The following FAM184A variants were observed in gnomAD, a reference collection of about 807,000 sequenced individuals.
FAM184A encodes protein FAM184A.
In FAM184A, 99 loss-of-function variants were observed where a neutral mutation model predicts 143.8. The observed-to-expected ratio is 0.69, with a 90% CI of 0.58 to 0.81. FAM184A has a LOEUF of 0.81. Ranked by LOEUF, FAM184A falls within the 40% of genes least tolerant of loss-of-function variation. The pLI, the probability that FAM184A is intolerant of heterozygous loss-of-function variation, is 0.00. For missense variants in FAM184A, 1,217 were observed against 1,310.5 expected (o/e 0.93, Z 1.10); for synonymous variants, 427 against 446.4 (o/e 0.96, Z 0.55).
chr6:119,126,624 A>C (rs1489206034), intron 1 of FAM184A, among the ~76,000 whole-genome samples: 3 of 152,154 alleles, frequency 2.0e-5, no homozygotes, highest in African/African-American at 7.2e-5. Context: ...CCCCAGAAGG[A>C]GTGTTAACAG....
chr6:119,017,369 G>A (rs1785295940), intron 4 of FAM184A, among the ~76,000 whole-genome samples: 1 of 152,076 alleles, frequency 6.6e-6, no homozygotes, highest in South Asian at 2.1e-4. Context: ...GCGGTGGCGG[G>A]TGCCTGTAGT....
intron 6 of FAM184A, among the ~76,000 whole-genome samples, chr6:119,009,315 G>C (rs1785021175): frequency 6.6e-6 from 1 of 152,140 alleles, no homozygotes; most frequent in East Asian, 1.9e-4. Context: ...CCCATATGTT[G>C]AGGGAGGAAC....
At chr6:119,006,266 G>T (rs770512506) in intron 7 of FAM184A, 181 bp downstream of exon 7, 7 of 746,792 alleles carry the variant, frequency 9.4e-6, no homozygotes, top group African/African-American at 1.7e-5. Flanking sequence ...AGCCTCCAGA[G>T]CTATGAGAGA....
At chr6:119,070,130 A>C (rs555995143) in intron 1 of FAM184A, among the ~76,000 whole-genome samples, 36 of 152,276 alleles carry the variant, frequency 2.4e-4, no homozygotes, top group African/African-American at 8.2e-4. Flanking sequence ...TGTACTATAG[A>C]TCCTTTGATA....
At chr6:119,109,016 G>A (rs1788862182) in intron 1 of FAM184A, among the ~76,000 whole-genome samples, 1 of 144,068 alleles carries the variant, frequency 6.9e-6, no homozygotes, top group Non-Finnish European at 1.5e-5. Flanking sequence ...ATCCTTTCTT[G>A]TCTTTTTTCC....
chr6:119,057,553 G>A (rs1445866554), intron 1 of FAM184A, among the ~76,000 whole-genome samples: 1 of 152,074 alleles, frequency 6.6e-6, no homozygotes, highest in Non-Finnish European at 1.5e-5. Context: ...AGAATGCTCA[G>A]GGTAGTGAGA....
intron 1 of FAM184A, among the ~76,000 whole-genome samples, chr6:119,070,188 T>TA (rs1196060032): frequency 6.6e-6 from 1 of 152,142 alleles, no homozygotes; most frequent in Non-Finnish European, 1.5e-5. Flanking sequence ...AGATACAGGA[T>TA]AAAAAATTCA....
chr6:119,025,108 G>A (rs1453608576), intron 1 of FAM184A, among the ~76,000 whole-genome samples: 1 of 152,124 alleles, frequency 6.6e-6, no homozygotes, highest in Non-Finnish European at 1.5e-5. Context: ...AGAGGAAATG[G>A]ACAAAGGAGG....
intron 1 of FAM184A, among the ~76,000 whole-genome samples, chr6:119,130,223 C>T (rs1789499972): frequency 1.3e-5 from 2 of 152,168 alleles, no homozygotes; most frequent in Admixed American, 1.3e-4. Context: ...CTGAAAACCA[C>T]CATTTGAGGA....
At chr6:118,960,935 TCTGA>T (rs1200620455) in intron 17 of FAM184A, 7 of 700,670 alleles carry the variant, frequency 1.0e-5, no homozygotes, top group Non-Finnish European at 1.5e-5. Context: ...CAGAGGTGTA[TCTGA>T]CTAATTTTCA....
intron 1 of FAM184A, among the ~76,000 whole-genome samples, chr6:119,084,581 A>G (rs975938275): frequency 1.3e-5 from 2 of 152,214 alleles, no homozygotes; most frequent in Non-Finnish European, 2.9e-5. Context: ...GCAAGCTGCC[A>G]GTGGCTCTAA....
intron 1 of FAM184A, among the ~76,000 whole-genome samples, chr6:119,095,052 C>T (rs1014532393): frequency 3.3e-5 from 5 of 152,242 alleles, no homozygotes; most frequent in Admixed American, 6.5e-5. Context: ...TGTGGTGGGA[C>T]TCTGTCAGCA....
intron 1 of FAM184A, among the ~76,000 whole-genome samples, chr6:119,096,840 T>G (rs1454763679): frequency 3.3e-5 from 5 of 152,132 alleles, no homozygotes. Flanking sequence ...CTTGCTTCTC[T>G]CAGGTCCAGG....
chr6:119,103,650 A>C (rs1436698685), intron 1 of FAM184A, among the ~76,000 whole-genome samples: 1 of 91,878 alleles, frequency 1.1e-5, no homozygotes, highest in Non-Finnish European at 2.1e-5. Context: ...AGAGGAGGCC[A>C]GGCACGGTGG....
chr6:118,990,192 A>C (rs1025107081), intron 9 of FAM184A, among the ~76,000 whole-genome samples: 1 of 152,304 alleles, frequency 6.6e-6, no homozygotes, highest in South Asian at 2.1e-4. Context: ...TATACCATTT[A>C]CTTATGAAGT....
At position 119,078,400 on chromosome 6, in the gene FAM184A, G is replaced by A; in HGVS notation, c.-101C>T. 3 of 1,200,970 alleles carry A rather than the reference G, an allele frequency of 2.5e-6. No individual in the cohort carries two copies. Among genetic ancestry groups the A allele is most frequent in the Non-Finnish European group, 3.3e-6 (3 of 917,906 alleles). The allele number at this position is 1,200,970 out of a possible 1,614,324, so 74.4% of individuals were successfully genotyped here. On this transcript the variant is annotated 5_prime_UTR_variant, in exon 1 of 18. Transcript: ENST00000338891. This position sits in a 1 kb window ranked among gnomAD's most constrained non-coding sequence, Gnocchi z 5.5. ...GCAAGAGTCGCGGCGGCCGCTTCCC[G>A]ACCCGACACCCGGCGCCCCCCAGAC...
At chr6:119,136,140 CG>C (rs1386357611) in intron 1 of FAM184A, among the ~76,000 whole-genome samples, 3 of 149,548 alleles carry the variant, frequency 2.0e-5, no homozygotes, top group Non-Finnish European at 4.5e-5. Flanking sequence ...TAGCCGGGCG[CG>C]GTGGCGGGCG....
At chr6:119,034,954 C>A (rs1238334022) in intron 1 of FAM184A, among the ~76,000 whole-genome samples, 1 of 152,080 alleles carries the variant, frequency 6.6e-6, no homozygotes, top group East Asian at 1.9e-4. Flanking sequence ...CCAACGTACT[C>A]CTGTGTGGCA....
intron 1 of FAM184A, among the ~76,000 whole-genome samples, chr6:119,058,202 G>A (rs1382054377): frequency 2.6e-5 from 1 of 38,320 alleles, no homozygotes; most frequent in African/African-American, 9.0e-5. Flanking sequence ...TTTTTTTTTT[G>A]AGATAGAGTC....
Sources: gnomAD v4.1 joint callset for allele counts (sites outside exome capture counted in the v4.1 genomes callset) on GRCh38, gnomAD v4.1.1 for gene constraint, Gnocchi (gnomAD v3.1) non-coding constraint, MANE v1.5 for transcripts, NCBI Gene and HGNC (gene_info 2026-07-23, HGNC 2026-07-21) for gene names.